LRRC69: variants seen among roughly 807,000 people sequenced by gnomAD.
LRRC69 encodes leucine-rich repeat-containing protein 69.
LRRC69 carries 42 observed loss-of-function variants against 37.8 expected under a neutral mutation model. The observed-to-expected ratio is 1.11, with a 90% confidence interval of 0.87 to 1.44. The LOEUF is 1.44. Among genes scored for constraint, LRRC69 ranks in the 40% most tolerant of loss-of-function variants. The pLI is 0.00. For synonymous variants in LRRC69, 141 were observed against 143.1 expected (o/e 0.99, Z 0.11); for missense variants, 357 against 401.9 (o/e 0.89, Z 0.96).
intron 6 of LRRC69, among the ~76,000 whole-genome samples, chr8:91,193,031 G>A (rs1809528892): frequency 6.6e-6 from 1 of 150,998 alleles, no homozygotes; most frequent in Non-Finnish European, 1.5e-5. Context: ...TGTATAAGGT[G>A]TAAGGAAGGG....
chr8:91,196,992 G>A (rs867535506), intron 6 of LRRC69, among the ~76,000 whole-genome samples: 140 of 151,154 alleles, frequency 9.3e-4, no homozygotes, highest in Middle Eastern at 3.4e-3. Flanking sequence ...TTTGGTCTTT[G>A]ATGATGGTGA....
chr8:91,115,127 A>G (rs1013953079), intron 1 of LRRC69, among the ~76,000 whole-genome samples: 13 of 152,038 alleles, frequency 8.6e-5, no homozygotes, highest in African/African-American at 3.1e-4. Context: ...CTAATGCACA[A>G]TGATGTGACT....
chr8:91,157,143 T>G (rs1808849633), intron 5 of LRRC69: 2 of 683,544 alleles, frequency 2.9e-6, no homozygotes, highest in Non-Finnish European at 2.6e-6. Context: ...CTTTCTCTGT[T>G]TCTGTGAAGA....
chr8:91,157,808 TC>T (rs1242054129), intron 5 of LRRC69: 1 of 1,607,488 alleles, frequency 6.2e-7, no homozygotes, highest in African/African-American at 1.3e-5. Flanking sequence ...ATGGGATTAT[TC>T]CCCACAAAGG....
intron 5 of LRRC69, chr8:91,157,897 A>G: frequency 1.3e-6 from 2 of 1,581,756 alleles, no homozygotes; most frequent in South Asian, 1.1e-5. Context: ...AGTTTTACAT[A>G]GGCTCAAAGT....
chr8:91,218,750 A>G (rs1810104648), intron 7 of LRRC69, 140 bp from the exon 8 acceptor site: 1 of 549,140 alleles, frequency 1.8e-6, no homozygotes, highest in African/African-American at 1.9e-5. Context: ...ATGTGTGAGA[A>G]AAGAGCAAAT....
At chr8:91,138,069 G>A (rs1327789844) in intron 5 of LRRC69, among the ~76,000 whole-genome samples, 3 of 151,702 alleles carry the variant, frequency 2.0e-5, no homozygotes, top group East Asian at 1.9e-4. Flanking sequence ...TCTATATAAC[G>A]ACAATATTAA....
intron 1 of LRRC69, among the ~76,000 whole-genome samples, chr8:91,114,231 C>A (rs1248795704): frequency 6.6e-6 from 1 of 151,832 alleles, no homozygotes; most frequent in Admixed American, 6.6e-5. Flanking sequence ...TTGGTACAGT[C>A]ATTATGGAAA....
At chr8:91,142,871 C>T (rs1808554256) in intron 5 of LRRC69, among the ~76,000 whole-genome samples, 1 of 151,974 alleles carries the variant, frequency 6.6e-6, no homozygotes, top group South Asian at 2.1e-4. Flanking sequence ...TTTGAGCTCA[C>T]TGGGAGTTTG....
chr8:91,121,432 G>T (rs909473049), intron 1 of LRRC69, among the ~76,000 whole-genome samples: 13 of 152,044 alleles, frequency 8.6e-5, no homozygotes, highest in African/African-American at 3.1e-4. Flanking sequence ...TTTTCGCTGA[G>T]TGTTCCTCTA....
intron 5 of LRRC69, chr8:91,157,200 T>C (rs1808851314): frequency 1.1e-6 from 1 of 950,280 alleles, no homozygotes; most frequent in Non-Finnish European, 1.7e-6. Flanking sequence ...TGTAGATTGC[T>C]TTGTGTAATA....
At chr8:91,194,579 A>T (rs998746881) in intron 6 of LRRC69, among the ~76,000 whole-genome samples, 1 of 150,246 alleles carries the variant, frequency 6.7e-6, no homozygotes, top group Admixed American at 6.6e-5. Flanking sequence ...GTCTTGGGAG[A>T]GTGTATGTGT....
chr8:91,201,529 A>G (rs191505731), intron 7 of LRRC69, among the ~76,000 whole-genome samples: 2 of 151,760 alleles, frequency 1.3e-5, no homozygotes, highest in Admixed American at 6.6e-5. Flanking sequence ...TTTTTCAACC[A>G]TTTAAAAATG....
chr8:91,160,938 T>C (rs557809303), intron 5 of LRRC69, among the ~76,000 whole-genome samples: 110 of 151,480 alleles, frequency 7.3e-4, no homozygotes, highest in African/African-American at 2.4e-3. Context: ...GTTTATCACA[T>C]ACGGCCTTTA....
At chr8:91,201,972 G>A (rs1199248641) in intron 7 of LRRC69, among the ~76,000 whole-genome samples, 2 of 152,098 alleles carry the variant, frequency 1.3e-5, no homozygotes, top group Non-Finnish European at 2.9e-5. Flanking sequence ...TTGTGAAGTC[G>A]AGGTGGGTGG....
At chr8:91,157,982 C>T (rs1808866876) in intron 5 of LRRC69, 1 of 1,367,764 alleles carries the variant, frequency 7.3e-7, no homozygotes, top group Admixed American at 1.7e-5. Flanking sequence ...TGAAGAAGAA[C>T]ATCTGGGAAT....
At chr8:91,217,875 G>A (rs1296936838) in intron 7 of LRRC69, among the ~76,000 whole-genome samples, 1 of 152,146 alleles carries the variant, frequency 6.6e-6, no homozygotes, top group Admixed American at 6.6e-5. Flanking sequence ...ATATTTTACA[G>A]TTAGGATAGT....
chr8:91,151,596 G>T (rs1808739002), intron 5 of LRRC69, among the ~76,000 whole-genome samples: 1 of 151,410 alleles, frequency 6.6e-6, no homozygotes, highest in African/African-American at 2.4e-5. Context: ...TAGTGCTGCA[G>T]TAAGCATATG....
In LRRC69 at chr8:91,142,576, C is replaced by T. The variant is rs79555192; in HGVS notation, c.651+6837C>T. ...ATGTGCATCAGAATCCCCTGGATGC[C>T]TTCTTAAAACCCAGAAGGCTAGGCC... On this transcript the variant is annotated intron_variant, in intron 5 of 7. Coordinates refer to ENST00000448384, the Ensembl canonical transcript of LRRC69. Among the ~76,000 whole-genome samples the T allele has an allele frequency of 4.5e-3, 690 of 152,096 alleles. 6 individuals carry two copies. Among genetic ancestry groups the T allele is most frequent in the African/African-American group, 0.016 (668 of 41,552 alleles).
Sources: gnomAD v4.1 joint callset for allele counts (sites outside exome capture counted in the v4.1 genomes callset) on GRCh38, gnomAD v4.1.1 for gene constraint, MANE v1.5 for transcripts, NCBI Gene and HGNC (gene_info 2026-07-23, HGNC 2026-07-21) for gene names.